Variants in PRKCE observed in about 807,000 individuals in gnomAD.
PRKCE encodes protein kinase C epsilon type.
Under a neutral mutation model 85.4 loss-of-function variants are expected in PRKCE, and 16 were observed. That is an observed-to-expected ratio of 0.19 (90% CI 0.13 to 0.28). PRKCE has a LOEUF of 0.28. Ranked by LOEUF, PRKCE falls within the 10% of genes least tolerant of loss-of-function variation. PRKCE has a pLI of 1.00. For missense variants in PRKCE, 573 were observed against 975.2 expected (o/e 0.59, Z 5.49); for synonymous variants, 388 against 371.5 (o/e 1.04, Z -0.51).
At chr2:45,953,316 T>C (rs981331443) in intron 2 of PRKCE, among the ~76,000 whole-genome samples, 1 of 152,118 alleles carries the variant, frequency 6.6e-6, no homozygotes, top group African/African-American at 2.4e-5. Flanking sequence ...TACCCACGGG[T>C]CACATATTTG....
chr2:46,077,277 G>T (rs1668643964), intron 10 of PRKCE, among the ~76,000 whole-genome samples: 1 of 152,086 alleles, frequency 6.6e-6, no homozygotes, highest in Non-Finnish European at 1.5e-5. Context: ...GGAATAGATT[G>T]TGGTGATGGT....
intron 2 of PRKCE, among the ~76,000 whole-genome samples, chr2:45,890,422 C>T (rs145590279): frequency 1.4e-3 from 211 of 152,242 alleles, no homozygotes; most frequent in African/African-American, 4.6e-3. Context: ...CTCTGTCTCC[C>T]AGACTGGATT....
At chr2:46,061,859 CTTTTTTT>C (rs10695600) in intron 10 of PRKCE, among the ~76,000 whole-genome samples, 5 of 107,746 alleles carry the variant, frequency 4.6e-5, no homozygotes, top group African/African-American at 1.6e-4. Flanking sequence ...TTTTCTTTTT[CTTTTTTT>C]TTTTTTTTTT....
intron 12 of PRKCE, among the ~76,000 whole-genome samples, chr2:46,148,653 A>G (rs1332514727): frequency 1.3e-5 from 2 of 152,266 alleles, no homozygotes; most frequent in Non-Finnish European, 2.9e-5. Flanking sequence ...CTCCTGGATG[A>G]TAGAACAGGC....
chr2:46,169,105 G>A (rs1222904599), intron 14 of PRKCE, among the ~76,000 whole-genome samples: 1 of 152,130 alleles, frequency 6.6e-6, no homozygotes, highest in Non-Finnish European at 1.5e-5. Context: ...GCTGACTGGG[G>A]GGGTGTGTTC....
Position 46,004,412 on chromosome 2 carries a change from A to G in PRKCE, c.967-130A>G, listed in dbSNP as rs1335940463. On this transcript the variant is annotated intron_variant, in intron 7 of 14. Coordinates refer to ENST00000306156, the MANE Select transcript of PRKCE (RefSeq NM_005400.3). The surrounding 1 kb of genome is among the most constrained non-coding windows in gnomAD (Gnocchi z 4.1). ...ACTTTGGCGATGGCTGCAAGAGGAC[A>G]GAGATCTACTGAATTCCTGCTGCTC... 8 of 769,890 alleles carry G rather than the reference A, an allele frequency of 1.0e-5. No homozygotes were observed. Among genetic ancestry groups the G allele is most frequent in the Non-Finnish European group, 1.7e-5 (8 of 468,246 alleles). The allele number at this position is 769,890 out of a possible 1,614,324, so 47.7% of individuals were successfully genotyped here.
At chr2:45,956,121 T>G (rs1700959386) in intron 2 of PRKCE, among the ~76,000 whole-genome samples, 1 of 152,198 alleles carries the variant, frequency 6.6e-6, no homozygotes, top group Admixed American at 6.5e-5. Context: ...TGAGATTTAT[T>G]TATGTCATTG....
At chr2:46,130,709 C>G (rs914648547) in intron 11 of PRKCE, among the ~76,000 whole-genome samples, 32 of 152,222 alleles carry the variant, frequency 2.1e-4, no homozygotes, top group Admixed American at 5.9e-4. Context: ...TCTGTTTCCA[C>G]TTGGTCTGGC....
intron 13 of PRKCE, among the ~76,000 whole-genome samples, chr2:46,151,750 C>T (rs183661912): frequency 1.3e-5 from 2 of 152,378 alleles, no homozygotes; most frequent in Admixed American, 6.5e-5. Context: ...ACTGGAAATT[C>T]ATGCAGTCCT....
intron 2 of PRKCE, among the ~76,000 whole-genome samples, chr2:45,965,533 C>G (rs149727753): frequency 1.3e-5 from 2 of 152,312 alleles, no homozygotes; most frequent in East Asian, 3.9e-4. Context: ...AGGAGCACCT[C>G]CCAGTCATAA....
intron 11 of PRKCE, 83 bp downstream of exon 11, chr2:46,086,445 C>A: frequency 1.4e-6 from 2 of 1,475,102 alleles, no homozygotes; most frequent in Non-Finnish European, 1.8e-6. Flanking sequence ...CAGCTCCTGC[C>A]CACTCGTCTC....
intron 14 of PRKCE, among the ~76,000 whole-genome samples, chr2:46,162,338 C>A (rs1275553019): frequency 6.6e-6 from 1 of 152,142 alleles, no homozygotes; most frequent in African/African-American, 2.4e-5. Context: ...GTCAAGGAAG[C>A]TTTCAGGGTC....
chr2:45,678,076 T>C (rs12329299), intron 1 of PRKCE, among the ~76,000 whole-genome samples: 3,613 of 152,348 alleles, frequency 0.024, 135 homozygotes, highest in African/African-American at 0.082. Flanking sequence ...CACATGGGAA[T>C]TTATACTTAC....
At chr2:45,972,593 C>T (rs2104505397) in intron 2 of PRKCE, among the ~76,000 whole-genome samples, 1 of 152,276 alleles carries the variant, frequency 6.6e-6, no homozygotes, top group East Asian at 1.9e-4. Flanking sequence ...TTTATGGTTT[C>T]AGTGTTTACA....
intron 2 of PRKCE, among the ~76,000 whole-genome samples, chr2:45,970,115 A>C (rs959716376): frequency 7.2e-5 from 11 of 152,222 alleles, no homozygotes; most frequent in Admixed American, 2.0e-4. Context: ...TTCCCTGTGC[A>C]GTCTCTGTGT....
At chr2:46,052,454 T>A (rs1209751104) in intron 10 of PRKCE, among the ~76,000 whole-genome samples, 1 of 152,236 alleles carries the variant, frequency 6.6e-6, no homozygotes, top group Non-Finnish European at 1.5e-5. Flanking sequence ...AGCTGAAGAC[T>A]TTTATACTAA....
chr2:45,833,344 C>T (rs1690595239), intron 1 of PRKCE, among the ~76,000 whole-genome samples: 1 of 152,114 alleles, frequency 6.6e-6, no homozygotes, highest in Non-Finnish European at 1.5e-5. Context: ...CACTTAGAGT[C>T]TTTATTGAAT....
chr2:45,999,249 A>G (rs1704470189), intron 6 of PRKCE, among the ~76,000 whole-genome samples: 1 of 152,090 alleles, frequency 6.6e-6, no homozygotes, highest in African/African-American at 2.4e-5. Flanking sequence ...ACTACTTTTA[A>G]CATTTCTTAC....
At chr2:46,135,939 G>A (rs1333631162) in intron 11 of PRKCE, among the ~76,000 whole-genome samples, 3 of 151,234 alleles carry the variant, frequency 2.0e-5, no homozygotes, top group African/African-American at 7.3e-5. Flanking sequence ...TGGAAAAAAC[G>A]TCTTTCTCTC....
Sources: gnomAD v4.1 joint callset for allele counts (sites outside exome capture counted in the v4.1 genomes callset) on GRCh38, gnomAD v4.1.1 for gene constraint, Gnocchi (gnomAD v3.1) non-coding constraint, MANE v1.5 for transcripts, NCBI Gene and HGNC (gene_info 2026-07-23, HGNC 2026-07-21) for gene names.